NRXN3: variants seen among roughly 807,000 people sequenced by gnomAD.
The protein encoded by NRXN3 is neurexin III.
Under a neutral mutation model 137.6 loss-of-function variants are expected in NRXN3, and 32 were observed. The ratio of observed to expected loss-of-function variants is 0.23; its 90% CI spans 0.18 to 0.31. The LOEUF is 0.31. NRXN3 is among the 10% of genes least tolerant of loss of function. The pLI is 1.00. For missense variants in NRXN3, 1,574 were observed against 2,062.5 expected (o/e 0.76, Z 4.59); for synonymous variants, 798 against 784.5 (o/e 1.02, Z -0.29).
intron 16 of NRXN3, among the ~76,000 whole-genome samples, chr14:79,558,342 G>A (rs1206076904): frequency 6.6e-6 from 1 of 152,130 alleles, no homozygotes; most frequent in Non-Finnish European, 1.5e-5. Flanking sequence ...AGAAGAATCA[G>A]TGTCTATGGC....
intron 6 of NRXN3, among the ~76,000 whole-genome samples, chr14:78,669,374 G>A (rs115517874): frequency 0.012 from 1,803 of 152,210 alleles, 33 homozygotes; most frequent in African/African-American, 0.041. Flanking sequence ...AGTCCATAAA[G>A]TGAAAGCAAA....
At chr14:78,405,430 A>G (rs1183402995) in intron 4 of NRXN3, among the ~76,000 whole-genome samples, 1 of 152,184 alleles carries the variant, frequency 6.6e-6, no homozygotes. Context: ...CAGGAAGATC[A>G]TATTTCCCTT....
chr14:79,466,621 G>A lies in NRXN3; in HGVS notation c.3263-600G>A, dbSNP rs17109242. On this transcript the variant is annotated intron_variant, in intron 15 of 20. Coordinates refer to ENST00000335750, the MANE Select transcript of NRXN3 (RefSeq NM_001330195.2). ...AAAAAAACTCCTAGAAATCATTTTT[G>A]TTACCATGTTTATAGCAACACAATA... 9.0e-3 allele frequency among the ~76,000 whole-genome samples: 1,371 copies of A among 152,066 alleles called. 29 individuals carry two copies. In the East Asian group the frequency reaches 0.096, roughly 11 times the overall value.
chr14:78,926,305 C>T (rs1038774850), intron 10 of NRXN3, among the ~76,000 whole-genome samples: 1 of 151,976 alleles, frequency 6.6e-6, no homozygotes, highest in Non-Finnish European at 1.5e-5. Context: ...AATAGAACAA[C>T]TGTAAAAATA....
intron 10 of NRXN3, among the ~76,000 whole-genome samples, chr14:78,824,023 A>G (rs567054981): frequency 1.3e-5 from 2 of 151,838 alleles, no homozygotes; most frequent in South Asian, 2.1e-4. Flanking sequence ...TGTCACATCA[A>G]TACTGTAAAG....
chr14:78,177,575 A>C (rs570052202), intron 1 of NRXN3, among the ~76,000 whole-genome samples: 1 of 152,168 alleles, frequency 6.6e-6, no homozygotes, highest in East Asian at 1.9e-4. Context: ...TAACTCTCAA[A>C]AGTGTCCCGG....
At chr14:79,111,526 G>T (rs940341844) in intron 15 of NRXN3, among the ~76,000 whole-genome samples, 1 of 152,086 alleles carries the variant, frequency 6.6e-6, no homozygotes, top group Non-Finnish European at 1.5e-5. Context: ...ATCACCTGAG[G>T]TCAGGAGTTC....
chr14:79,257,173 C>T (rs570433657), intron 15 of NRXN3, among the ~76,000 whole-genome samples: 5 of 151,698 alleles, frequency 3.3e-5, no homozygotes, highest in Non-Finnish European at 2.9e-5. Context: ...GCAGGGAGGG[C>T]GAGGGGGAGG....
intron 7 of NRXN3, among the ~76,000 whole-genome samples, chr14:78,711,001 C>T (rs918348080): frequency 5.3e-5 from 8 of 152,296 alleles, no homozygotes; most frequent in South Asian, 4.1e-4. Flanking sequence ...GGCTAAATCC[C>T]GCCACACCCC....
chr14:78,451,109 C>G (rs1245769140), intron 4 of NRXN3, among the ~76,000 whole-genome samples: 1 of 152,114 alleles, frequency 6.6e-6, no homozygotes, highest in African/African-American at 2.4e-5. Flanking sequence ...CACCTCTTCC[C>G]CTTATTGCTG....
chr14:79,378,285 G>T (rs529249806), intron 15 of NRXN3, among the ~76,000 whole-genome samples: 1 of 152,280 alleles, frequency 6.6e-6, no homozygotes, highest in South Asian at 2.1e-4. Flanking sequence ...CATACAATTT[G>T]CTGCTTCCTC....
rs572206341 is a variant in NRXN3 at position 78,265,082 on chromosome 14, G to A, written c.710-13563G>A. 3.3e-5 allele frequency among the ~76,000 whole-genome samples: 5 copies of A among 152,262 alleles called. No homozygotes were observed. In the South Asian group the frequency reaches 8.3e-4, roughly 25 times the overall value. On this transcript the variant is annotated intron_variant, in intron 2 of 20. Transcript: ENST00000335750. The stretch of plus-strand genomic sequence containing the variant: ...CTTTTCTTTCCCAGTTGCCACTGCC[G>A]TACTCTTTTTCTGAATACTAAAAAT...
At chr14:79,605,646 C>G (rs955306006) in intron 16 of NRXN3, among the ~76,000 whole-genome samples, 1 of 152,074 alleles carries the variant, frequency 6.6e-6, no homozygotes, top group Non-Finnish European at 1.5e-5. Context: ...CGCCACCACG[C>G]CCAGCTAATT....
intron 6 of NRXN3, among the ~76,000 whole-genome samples, chr14:78,691,158 C>A (rs912052867): frequency 6.6e-6 from 1 of 152,198 alleles, no homozygotes; most frequent in East Asian, 1.9e-4. Context: ...ACAGATATTG[C>A]ATATTATGAG....
chr14:79,653,279 G>A (rs2098485821), intron 16 of NRXN3, among the ~76,000 whole-genome samples: 1 of 152,054 alleles, frequency 6.6e-6, no homozygotes, highest in Non-Finnish European at 1.5e-5. Flanking sequence ...TGGAGCCCTG[G>A]AGACTGAGAT....
intron 9 of NRXN3, among the ~76,000 whole-genome samples, chr14:78,807,997 A>G (rs536165930): frequency 6.6e-6 from 1 of 152,076 alleles, no homozygotes; most frequent in East Asian, 1.9e-4. Context: ...AAAAAACCAC[A>G]TATATAAATG....
intron 10 of NRXN3, among the ~76,000 whole-genome samples, chr14:78,905,304 G>A (rs1307983698): frequency 6.6e-6 from 1 of 151,944 alleles, no homozygotes; most frequent in African/African-American, 2.4e-5. Context: ...CCTGTTTACT[G>A]CGCCATTCAC....
At chr14:79,105,868 T>C (rs2052337064) in intron 15 of NRXN3, among the ~76,000 whole-genome samples, 1 of 152,042 alleles carries the variant, frequency 6.6e-6, no homozygotes, top group African/African-American at 2.4e-5. Context: ...AAAACACGAA[T>C]ATTTATTTAT....
At chr14:79,445,908 A>G (rs781715479) in intron 15 of NRXN3, among the ~76,000 whole-genome samples, 1 of 152,324 alleles carries the variant, frequency 6.6e-6, no homozygotes, top group Middle Eastern at 3.4e-3. Flanking sequence ...GGAGAGTGGT[A>G]GGGACCAATG....
Sources: allele counts gnomAD v4.1 joint callset (sites outside exome capture counted in the v4.1 genomes callset), GRCh38; gene constraint gnomAD v4.1.1; transcripts MANE v1.5; gene names NCBI Gene and HGNC (gene_info 2026-07-23, HGNC 2026-07-21).